The following DAP variants were observed in gnomAD, a reference collection of about 807,000 sequenced individuals.
DAP encodes the protein death associated protein, also known as death-associated protein 1.
DAP carries 8 observed loss-of-function variants against 13.8 expected under a neutral mutation model. That is an observed-to-expected ratio of 0.58 (90% CI 0.34 to 1.05). The LOEUF is 1.05. Ranked by LOEUF, DAP falls within the 50% of genes least tolerant of loss-of-function variation. The pLI is 0.03. For synonymous variants in DAP, 47 were observed against 47.5 expected (o/e 0.99, Z 0.04); for missense variants, 106 against 133.2 (o/e 0.80, Z 1.01).
At chr5:10,689,567 AC>A (rs1219673671) in intron 2 of DAP, among the ~76,000 whole-genome samples, 5 of 152,202 alleles carry the variant, frequency 3.3e-5, no homozygotes, top group Non-Finnish European at 5.9e-5. Context: ...GCTCATAAAG[AC>A]AGAGGATGTC....
chr5:10,730,289 G>C (rs571451548), intron 2 of DAP, among the ~76,000 whole-genome samples: 4 of 152,358 alleles, frequency 2.6e-5, no homozygotes, highest in Admixed American at 2.6e-4. Flanking sequence ...CCCACGTGCA[G>C]CGAGTGGATG....
intron 2 of DAP, among the ~76,000 whole-genome samples, chr5:10,747,595 T>G (rs570352959): frequency 6.6e-6 from 1 of 152,348 alleles, no homozygotes; most frequent in Admixed American, 6.5e-5. Context: ...CTCAAGGGTC[T>G]CCATGTGATT....
chr5:10,694,974 A>T (rs144375778), intron 2 of DAP, among the ~76,000 whole-genome samples: 32 of 152,264 alleles, frequency 2.1e-4, no homozygotes, highest in African/African-American at 6.0e-4. Flanking sequence ...CTTTTTAAAC[A>T]TTTCCCAGTA....
At chr5:10,730,306 T>A (rs1043219446) in intron 2 of DAP, among the ~76,000 whole-genome samples, 1 of 152,196 alleles carries the variant, frequency 6.6e-6, no homozygotes, top group Admixed American at 6.5e-5. Flanking sequence ...GATGCTCAGA[T>A]GTGCGTGCCA....
In DAP at chr5:10,742,511, G is replaced by A. The variant is rs1016081670; in HGVS notation, c.152+5664C>T. On this transcript the variant is annotated intron_variant, in intron 2 of 3. Coordinates refer to ENST00000230895, the MANE Select transcript of DAP (RefSeq NM_004394.3). The stretch of plus-strand genomic sequence containing the variant: ...CACTGCACTCCAGCATGGGCAACAA[G>A]AGTGAAACTCCATCTCAAAAACAAA... Among the ~76,000 whole-genome samples the A allele has an allele frequency of 5.3e-5, 8 of 152,202 alleles. 1 individual carries two copies. Among genetic ancestry groups the A allele is most frequent in the Admixed American group, 2.0e-4 (3 of 15,282 alleles).
chr5:10,684,799 C>T (rs754569923), intron 2 of DAP, among the ~76,000 whole-genome samples: 17 of 152,270 alleles, frequency 1.1e-4, no homozygotes, highest in Non-Finnish European at 1.5e-5. Context: ...CTTCCAAATG[C>T]CTCCACCAAG....
At chr5:10,715,768 C>T (rs1315976793) in intron 2 of DAP, among the ~76,000 whole-genome samples, 1 of 152,230 alleles carries the variant, frequency 6.6e-6, no homozygotes, top group African/African-American at 2.4e-5. Flanking sequence ...CTGTTAGCCT[C>T]ATTTATCATT....
chr5:10,684,606 T>A (rs1042368407), intron 2 of DAP, among the ~76,000 whole-genome samples: 3 of 152,246 alleles, frequency 2.0e-5, no homozygotes, highest in Non-Finnish European at 4.4e-5. Flanking sequence ...GCTTGTCTTC[T>A]TATTAACTTT....
chr5:10,683,721 G>A (rs1738089682), intron 2 of DAP, 150 bp from the exon 3 acceptor site: 2 of 734,768 alleles, frequency 2.7e-6, no homozygotes, highest in Non-Finnish European at 4.7e-6. Flanking sequence ...TTGTTGTAAT[G>A]ATCACACTAC....
intron 2 of DAP, among the ~76,000 whole-genome samples, chr5:10,742,140 GTTC>G (rs77308846): frequency 0.23 from 35,222 of 152,024 alleles, 4,266 homozygotes; most frequent in Middle Eastern, 0.35. Flanking sequence ...AGTAACTGGA[GTTC>G]TTCTACAAAA....
At chr5:10,757,605 G>A (rs1740221763) in intron 1 of DAP, among the ~76,000 whole-genome samples, 1 of 152,114 alleles carries the variant, frequency 6.6e-6, no homozygotes, top group South Asian at 2.1e-4. Context: ...CACTGTCCTC[G>A]GTATCTCAAT....
rs368745177 is a variant in DAP at position 10,726,772 on chromosome 5, TGTGA to T, written c.152+21399_152+21402del. Among the ~76,000 whole-genome samples, 342 of 151,104 alleles carry T rather than the reference TGTGA, an allele frequency of 2.3e-3. 1 individual carries two copies. The highest frequency in any genetic ancestry group is 7.2e-3 in the African/African-American group (293 of 40,738). On this transcript the variant is annotated intron_variant, in intron 2 of 3. Coordinates refer to ENST00000230895, the MANE Select transcript of DAP (RefSeq NM_004394.3). ...ATGTGTGTGGAAAAGTGTGTGTGTG[TGTGA>T]GTATGAGTGTTCACAACAGAAGGTG...
At chr5:10,701,216 C>T (rs1347501318) in intron 2 of DAP, among the ~76,000 whole-genome samples, 1 of 152,204 alleles carries the variant, frequency 6.6e-6, no homozygotes, top group Non-Finnish European at 1.5e-5. Flanking sequence ...ATAAAGCACC[C>T]AGAGAAGTCA....
At chr5:10,744,311 G>A (rs1190288654) in intron 2 of DAP, among the ~76,000 whole-genome samples, 1 of 152,196 alleles carries the variant, frequency 6.6e-6, no homozygotes, top group Non-Finnish European at 1.5e-5. Context: ...TAGGATCAGG[G>A]TAATGTGGAT....
At chr5:10,692,014 T>TA (rs1738321576) in intron 2 of DAP, among the ~76,000 whole-genome samples, 1 of 152,178 alleles carries the variant, frequency 6.6e-6, no homozygotes, top group African/African-American at 2.4e-5. Flanking sequence ...ACAGACAGGA[T>TA]AAAATGCCAG....
intron 2 of DAP, among the ~76,000 whole-genome samples, chr5:10,716,371 C>T (rs1738990931): frequency 6.6e-6 from 1 of 152,168 alleles, no homozygotes; most frequent in African/African-American, 2.4e-5. Context: ...TCTCCCTCCA[C>T]CCCTATACTA....
At chr5:10,699,008 C>G (rs960652262) in intron 2 of DAP, among the ~76,000 whole-genome samples, 1 of 152,172 alleles carries the variant, frequency 6.6e-6, no homozygotes, top group African/African-American at 2.4e-5. Context: ...CAGGTGAGCT[C>G]TAAAAGTCCC....
chr5:10,692,074 T>C (rs1482754188), intron 2 of DAP, among the ~76,000 whole-genome samples: 1 of 152,238 alleles, frequency 6.6e-6, no homozygotes, highest in Non-Finnish European at 1.5e-5. Flanking sequence ...TCATCAAGAC[T>C]GAGTTTGATG....
At chr5:10,753,019 G>C (rs1740086742) in intron 1 of DAP, among the ~76,000 whole-genome samples, 1 of 152,192 alleles carries the variant, frequency 6.6e-6, no homozygotes, top group Admixed American at 6.5e-5. Flanking sequence ...CCTACGGGTT[G>C]CTGGGGAATG....
Sources: allele counts gnomAD v4.1 joint callset (sites outside exome capture counted in the v4.1 genomes callset), GRCh38; gene constraint gnomAD v4.1.1; transcripts MANE v1.5; gene names NCBI Gene and HGNC (gene_info 2026-07-23, HGNC 2026-07-21).